Variants in DPYSL5 observed in about 807,000 individuals in gnomAD.
The protein encoded by DPYSL5 is dihydropyrimidinase like 5.
In DPYSL5, 9 loss-of-function variants were observed where a neutral mutation model predicts 58.4. The observed-to-expected ratio is 0.15, with a 90% CI of 0.09 to 0.27. DPYSL5 has a LOEUF of 0.27. Among genes scored for constraint, DPYSL5 ranks in the 10% least tolerant of loss-of-function variants. The pLI, the probability that DPYSL5 is intolerant of heterozygous loss-of-function variation, is 1.00. For missense variants in DPYSL5, 499 were observed against 770.6 expected, an observed-to-expected ratio of 0.65 and a Z score of 4.17; for synonymous variants, 293 against 301.9, an observed-to-expected ratio of 0.97 and a Z score of 0.31.
In DPYSL5 at chr2:26,908,563, T is replaced by C. The variant is rs935735066; in HGVS notation, c.261+9803T>C. On this transcript the variant is annotated intron_variant, in intron 2 of 12. Coordinates refer to ENST00000288699, the MANE Select transcript of DPYSL5 (RefSeq NM_020134.4). ...GAGGAGATCTATCGTTTCTTATAAA[T>C]TTGTATCTCTGGTATTGGGAAAAAA... Among the ~76,000 whole-genome samples, 3 of 152,216 alleles carry C rather than the reference T, an allele frequency of 2.0e-5. No homozygotes were observed. In the East Asian group the frequency reaches 5.8e-4, roughly 29 times the overall value.
chr2:26,937,746 G>T (rs1445331747), intron 8 of DPYSL5, among the ~76,000 whole-genome samples: 1 of 141,540 alleles, frequency 7.1e-6, no homozygotes, highest in Non-Finnish European at 1.5e-5. Context: ...CTAGTTTTTT[G>T]TTTGTTTGTT....
chr2:26,876,807 C>T (rs1054960739), intron 1 of DPYSL5, among the ~76,000 whole-genome samples: 10 of 151,928 alleles, frequency 6.6e-5, no homozygotes, highest in East Asian at 3.9e-4. Flanking sequence ...TGAGCCACCG[C>T]GCCCGGCCAT....
chr2:26,915,203 C>T (rs1415787697), intron 2 of DPYSL5, among the ~76,000 whole-genome samples: 1 of 152,120 alleles, frequency 6.6e-6, no homozygotes, highest in South Asian at 2.1e-4. Flanking sequence ...CCGTGTCCTC[C>T]ATACAACCCC....
chr2:26,931,203 G>GTGTATATATATATATA (rs1474347605), intron 5 of DPYSL5, among the ~76,000 whole-genome samples: 6 of 44,932 alleles, frequency 1.3e-4, no homozygotes, highest in East Asian at 8.3e-4. Flanking sequence ...GTGTGTGTGT[G>GTGTATATATATATATA]TATATATATA....
chr2:26,925,270 G>T lies in DPYSL5; in HGVS notation c.420+225G>T, dbSNP rs901675172. ...TTCCGGCAGGCACAGAGAGGCCAAG[G>T]CCAGAGCCCAGGCCTTGGGGATGCA... On this transcript the variant is annotated intron_variant, in intron 3 of 12. Coordinates refer to ENST00000288699, the MANE Select transcript of DPYSL5 (RefSeq NM_020134.4). This position sits in a 1 kb window ranked among gnomAD's most constrained non-coding sequence, Gnocchi z 4.5. 1.3e-5 allele frequency among the ~76,000 whole-genome samples: 2 copies of T among 152,186 alleles called. No homozygotes were observed. Among genetic ancestry groups the T allele is most frequent in the African/African-American group, 4.8e-5 (2 of 41,448 alleles).
chr2:26,913,333 G>C (rs1664487225), intron 2 of DPYSL5, among the ~76,000 whole-genome samples: 1 of 152,114 alleles, frequency 6.6e-6, no homozygotes, highest in Non-Finnish European at 1.5e-5. Flanking sequence ...GACTACTCCA[G>C]GTCCCTCATA....
At position 26,906,000 on chromosome 2, in the gene DPYSL5, C is replaced by G. The variant is rs1664278212; in HGVS notation, c.261+7240C>G. ...TGGCAGAATTCCATTTCTTGGAGTT[C>G]AAGGACTGAGGTCCCTGTTTCCTTG... On this transcript the variant is annotated intron_variant, in intron 2 of 12. Transcript: ENST00000288699. This position sits in a 1 kb window ranked among gnomAD's most constrained non-coding sequence, Gnocchi z 4.0. Among the ~76,000 whole-genome samples the G allele has an allele frequency of 6.6e-6, 1 of 151,978 alleles. No homozygotes were observed. The highest frequency in any genetic ancestry group is 1.5e-5 in the Non-Finnish European group (1 of 67,996).
chr2:26,899,354 A>G (rs1664095537), intron 2 of DPYSL5, among the ~76,000 whole-genome samples: 1 of 152,188 alleles, frequency 6.6e-6, no homozygotes. Context: ...ACAAAAATTC[A>G]GAAGAAAAAT....
upstream of DPYSL5, chr2:26,848,040 C>G (rs1228046266): frequency 6.6e-6 from 1 of 151,274 alleles, no homozygotes; most frequent in African/African-American, 2.4e-5. Flanking sequence ...GCGGGAGGAG[C>G]CGGCCGCGCG....
intron 2 of DPYSL5, among the ~76,000 whole-genome samples, chr2:26,921,874 G>C (rs1664714378): frequency 6.6e-6 from 1 of 152,110 alleles, no homozygotes; most frequent in Non-Finnish European, 1.5e-5. Context: ...GCAGGTCAGG[G>C]GGCACGTGGC....
intron 2 of DPYSL5, among the ~76,000 whole-genome samples, chr2:26,906,815 T>C (rs143793423): frequency 4.4e-4 from 66 of 151,284 alleles, no homozygotes; most frequent in African/African-American, 1.5e-3. Flanking sequence ...GGCTGGAGCG[T>C]AGTGGCATGA....
rs1663431360 is a variant in DPYSL5, at chr2:26,877,071, A to T, written c.-4-21425A>T. On this transcript the variant is annotated intron_variant, in intron 1 of 12. Coordinates refer to ENST00000288699, the MANE Select transcript of DPYSL5 (RefSeq NM_020134.4). This position sits in a 1 kb window ranked among gnomAD's most constrained non-coding sequence, Gnocchi z 4.1. The stretch of plus-strand genomic sequence containing the variant: ...AACCTCCGCCTCCCAGGTTCAAGCG[A>T]TTCTCTTGCCTCAGCCTCCCGAGTA... Among the ~76,000 whole-genome samples the T allele has an allele frequency of 6.8e-6, 1 of 146,790 alleles. No homozygotes were observed. Among genetic ancestry groups the T allele is most frequent in the East Asian group, 2.0e-4 (1 of 4,934 alleles).
At chr2:26,868,666 C>T (rs1318484369) in intron 1 of DPYSL5, among the ~76,000 whole-genome samples, 1 of 152,158 alleles carries the variant, frequency 6.6e-6, no homozygotes, top group Non-Finnish European at 1.5e-5. Context: ...CTATTCTGCT[C>T]TCCTTATCTG....
At chr2:26,922,770 T>C (rs1664734863) in intron 2 of DPYSL5, among the ~76,000 whole-genome samples, 6 of 152,242 alleles carry the variant, frequency 3.9e-5, no homozygotes, top group Admixed American at 3.9e-4. Context: ...TGAATCAGCC[T>C]GGCACGATCC....
intron 12 of DPYSL5, among the ~76,000 whole-genome samples, chr2:26,946,414 GT>G (rs113861325): frequency 1.6e-4 from 23 of 145,900 alleles, no homozygotes; most frequent in East Asian, 7.9e-4. Flanking sequence ...GTTTGTTTTT[GT>G]TTTTTTTTTT....
At chr2:26,941,885 G>A (rs1158480619) in intron 9 of DPYSL5, 65 bp from the exon 10 acceptor site, 5 of 1,606,250 alleles carry the variant, frequency 3.1e-6, no homozygotes, top group East Asian at 4.5e-5. Context: ...AGCATCAAAG[G>A]TGACCAAGGG....
chr2:26,884,987 T>A (rs970168311), intron 1 of DPYSL5, among the ~76,000 whole-genome samples: 10 of 152,016 alleles, frequency 6.6e-5, no homozygotes, highest in African/African-American at 2.2e-4. Context: ...TCACCTGAAG[T>A]CAGGAGTTAA....
chr2:26,922,294 C>G (rs141303433), intron 2 of DPYSL5, among the ~76,000 whole-genome samples: 1 of 152,186 alleles, frequency 6.6e-6, no homozygotes, highest in Non-Finnish European at 1.5e-5. Context: ...AGGATAGGCG[C>G]GTGTGGGCTG....
chr2:26,904,797 G>A (rs1664248200), intron 2 of DPYSL5, among the ~76,000 whole-genome samples: 1 of 152,196 alleles, frequency 6.6e-6, no homozygotes, highest in Non-Finnish European at 1.5e-5. Flanking sequence ...CAGCTACTCA[G>A]TAGGCTGAGT....
Sources: gnomAD v4.1 joint callset for allele counts (sites outside exome capture counted in the v4.1 genomes callset) on GRCh38, gnomAD v4.1.1 for gene constraint, Gnocchi (gnomAD v3.1) non-coding constraint, MANE v1.5 for transcripts, NCBI Gene and HGNC (gene_info 2026-07-23, HGNC 2026-07-21) for gene names.